Variants in PLGRKT observed in about 807,000 individuals in gnomAD.
The protein encoded by PLGRKT is plasminogen receptor with a C-terminal lysine.
PLGRKT carries 22 observed loss-of-function variants against 18.5 expected under a neutral mutation model. That is an observed-to-expected ratio of 1.19 (90% CI 0.85 to 1.70). The LOEUF is 1.70. PLGRKT is among the 40% of genes most tolerant of loss of function. The pLI is 0.00. For synonymous variants in PLGRKT, 72 were observed against 52.8 expected, an observed-to-expected ratio of 1.36 and a Z score of -1.58; for missense variants, 235 against 174.4, an observed-to-expected ratio of 1.35 and a Z score of -1.96.
At chr9:5,414,413 C>T (rs894258687) in intron 3 of PLGRKT, among the ~76,000 whole-genome samples, 2 of 152,176 alleles carry the variant, frequency 1.3e-5, no homozygotes, top group Non-Finnish European at 2.9e-5. Context: ...GGTGATCTGC[C>T]TACCTCGGCC....
intron 2 of PLGRKT, among the ~76,000 whole-genome samples, chr9:5,433,167 G>C (rs2131180103): frequency 6.6e-6 from 1 of 150,548 alleles, no homozygotes; most frequent in East Asian, 2.0e-4. Context: ...TGGGAAGTGA[G>C]GAGTGCCTCT....
chr9:5,372,512 C>T (rs2131077964), intron 3 of PLGRKT, among the ~76,000 whole-genome samples: 1 of 152,260 alleles, frequency 6.6e-6, no homozygotes, highest in Non-Finnish European at 1.5e-5. Flanking sequence ...AGTAAGTTTG[C>T]ACTCTACATT....
chr9:5,406,679 G>A (rs1451394493), intron 3 of PLGRKT, among the ~76,000 whole-genome samples: 2 of 152,030 alleles, frequency 1.3e-5, no homozygotes, highest in African/African-American at 4.8e-5. Flanking sequence ...CTAGGTGATG[G>A]GTTGACAGGT....
intron 3 of PLGRKT, chr9:5,381,894 C>T: frequency 1.0e-6 from 1 of 985,064 alleles, no homozygotes; most frequent in Non-Finnish European, 1.2e-6. Flanking sequence ...TGTACCAAAT[C>T]ACAGAGGGAC....
At chr9:5,378,533 C>G (rs7024358) in intron 3 of PLGRKT, among the ~76,000 whole-genome samples, 110,809 of 152,148 alleles carry the variant, frequency 0.73, 41,163 homozygotes, top group African/African-American at 0.88. Context: ...AGCCCATGCT[C>G]TTGGAAGTCA....
intron 2 of PLGRKT, among the ~76,000 whole-genome samples, chr9:5,434,953 C>T (rs1025802960): frequency 6.6e-6 from 1 of 152,000 alleles, no homozygotes; most frequent in African/African-American, 2.4e-5. Flanking sequence ...ACATAGGAGA[C>T]TCCATTTTGT....
At chr9:5,359,064 ATTT>A (rs3042402) in intron 5 of PLGRKT, among the ~76,000 whole-genome samples, 9,085 of 142,912 alleles carry the variant, frequency 0.064, 926 homozygotes, top group African/African-American at 0.22. Flanking sequence ...ACACTATTTT[ATTT>A]TTTTTTTTTT....
intron 3 of PLGRKT, among the ~76,000 whole-genome samples, chr9:5,376,959 C>T (rs1817640697): frequency 6.6e-6 from 1 of 152,086 alleles, no homozygotes; most frequent in Non-Finnish European, 1.5e-5. Flanking sequence ...TTCATGTACA[C>T]ATATTAACTA....
Position 5,360,233 on chromosome 9 carries a change from T to C in PLGRKT, c.322+845A>G, listed in dbSNP as rs1359566337. Among the ~76,000 whole-genome samples the C allele has an allele frequency of 3.3e-5, 5 of 152,372 alleles. No homozygotes were observed. The South Asian group carries it at 1.0e-3, about 32-fold the overall frequency. On this transcript the variant is annotated intron_variant, in intron 5 of 5. Coordinates refer to ENST00000223864, the MANE Select transcript of PLGRKT (RefSeq NM_018465.4). ...AACTTTTATGCTACTTACAATGTAA[T>C]AGTTACAGACAAAGCACACTTTTAA...
chr9:5,361,078 CT>C lies in PLGRKT; in HGVS notation c.321del (p.Gly108ValfsTer20). On this transcript the variant is annotated frameshift_variant and splice_region_variant, in exon 5 of 6. Transcript: ENST00000223864. LOFTEE classifies it high-confidence loss of function. ...AAACTCTAGTTTACCAAAGACTTAC[CT>C]TTCATTCTTTCTAAAAGGGTTCCAT... Reference protein sequence around the residue: ...LGYGTLLERMKGEAEDILETE... With the variant: ...LGYGTLLERMXGEAEDILETE... 6.9e-7 allele frequency: 1 copy of C among 1,439,120 alleles called. No homozygotes were observed. Among genetic ancestry groups the C allele is most frequent in the South Asian group, 1.2e-5 (1 of 85,042 alleles). 89.1% of individuals were successfully genotyped at this position (1,439,120 alleles called of 1,614,324 possible).
chr9:5,367,189 G>A (rs1367861734), intron 3 of PLGRKT, among the ~76,000 whole-genome samples: 2 of 151,852 alleles, frequency 1.3e-5, no homozygotes, highest in Non-Finnish European at 2.9e-5. Context: ...TACAGATTAA[G>A]TGCTATTCCT....
At chr9:5,360,994 T>C (rs185556881) in intron 5 of PLGRKT, 84 bp downstream of exon 5, 2 of 754,242 alleles carry the variant, frequency 2.7e-6, no homozygotes, top group African/African-American at 1.8e-5. Flanking sequence ...TCAGAATCTT[T>C]ATAAGTCAAA....
At chr9:5,397,861 A>C (rs1360742800) in intron 3 of PLGRKT, among the ~76,000 whole-genome samples, 3 of 151,934 alleles carry the variant, frequency 2.0e-5, no homozygotes, top group African/African-American at 7.3e-5. Flanking sequence ...CCTCTTCTCT[A>C]TCTCTAGCTT....
intron 5 of PLGRKT, among the ~76,000 whole-genome samples, chr9:5,359,079 T>C: frequency 7.1e-6 from 1 of 140,296 alleles, no homozygotes; most frequent in Non-Finnish European, 1.6e-5. Flanking sequence ...TTTTTTTTTT[T>C]TGAGACAGTG....
At chr9:5,391,132 G>A (rs1168441699) in intron 3 of PLGRKT, among the ~76,000 whole-genome samples, 1 of 151,914 alleles carries the variant, frequency 6.6e-6, no homozygotes, top group African/African-American at 2.4e-5. Flanking sequence ...TGACTTAAAT[G>A]GTTAAATGCA....
Position 5,418,780 on chromosome 9 carries a change from G to A in PLGRKT, c.81+13117C>T, listed in dbSNP as rs979474935. The stretch of plus-strand genomic sequence containing the variant: ...GACCTCGGGGTCGTCGAGGAGCTGC[G>A]ACACGGAGAAGTCAGGGGGCAGCTT... On this transcript the variant is annotated intron_variant, in intron 3 of 5. Coordinates refer to ENST00000223864, the MANE Select transcript of PLGRKT (RefSeq NM_018465.4). The surrounding 1 kb of genome is among the most constrained non-coding windows in gnomAD (Gnocchi z 4.2). The A allele has an allele frequency of 2.6e-5, 20 of 782,448 alleles. No individual in the cohort carries two copies. The highest frequency in any genetic ancestry group is 9.1e-5 in the South Asian group (6 of 65,612). 48.5% of individuals were successfully genotyped at this position (782,448 alleles called of 1,614,324 possible). A position where few individuals can be genotyped will look rare whatever the true frequency, so the allele number is the denominator to read the frequency against.
chr9:5,381,156 C>A (rs959216108), intron 3 of PLGRKT, among the ~76,000 whole-genome samples: 2 of 152,204 alleles, frequency 1.3e-5, no homozygotes, highest in Admixed American at 1.3e-4. Context: ...CAGACTAATA[C>A]AGAAAATTGG....
At chr9:5,434,378 G>C (rs1476767860) in intron 2 of PLGRKT, among the ~76,000 whole-genome samples, 29 of 137,062 alleles carry the variant, frequency 2.1e-4, no homozygotes, top group African/African-American at 8.0e-4. Flanking sequence ...CGCCCCATTT[G>C]GGAGGTGAGG....
At chr9:5,361,965 A>G (rs941917828) in intron 3 of PLGRKT, 77 bp from the exon 4 acceptor site, 33 of 1,388,206 alleles carry the variant, frequency 2.4e-5, no homozygotes, top group Non-Finnish European at 3.0e-5. Context: ...CTGTTTTTCC[A>G]GCGGATTCAT....
Sources: allele counts gnomAD v4.1 joint callset (sites outside exome capture counted in the v4.1 genomes callset), GRCh38; gene constraint gnomAD v4.1.1; non-coding constraint Gnocchi (gnomAD v3.1); transcripts MANE v1.5; gene names NCBI Gene and HGNC (gene_info 2026-07-23, HGNC 2026-07-21).